The following PLCL1 variants were observed in gnomAD, a reference collection of about 807,000 sequenced individuals.
PLCL1 encodes inactive phospholipase C-like protein 1.
Under a neutral mutation model 84.4 loss-of-function variants are expected in PLCL1, and 41 were observed. The observed-to-expected ratio is 0.49, with a 90% CI of 0.38 to 0.63. PLCL1 has a LOEUF of 0.63. Ranked by LOEUF, PLCL1 falls within the 30% of genes least tolerant of loss-of-function variation. PLCL1 has a pLI of 0.00. For synonymous variants in PLCL1, 490 were observed against 488.3 expected, an observed-to-expected ratio of 1.00 and a Z score of -0.05; for missense variants, 1,206 against 1,367.8, an observed-to-expected ratio of 0.88 and a Z score of 1.87.
Position 198,083,814 on chromosome 2 carries a change from G to T in PLCL1, c.297G>T (p.Met99Ile). The change falls in exon 2 of 6, where the codon ATG becomes ATT. Residue 99 changes from methionine (M) to isoleucine (I), a missense_variant. By Grantham distance (10) the Met-to-Ile change is conservative. Transcript: ENST00000428675. The stretch of plus-strand genomic sequence containing the variant: ...AGAAAACCGTGTCTTTCAGCAGCAT[G>T]CCATCGGAAAAGAAAATTAGCAGTG... Reference protein sequence around the residue: ...GRKKTVSFSSMPSEKKISSAN... With the variant: ...GRKKTVSFSSIPSEKKISSAN... The T allele has an allele frequency of 6.2e-7, 1 of 1,609,188 alleles. No individual in the cohort carries two copies. Among genetic ancestry groups the T allele is most frequent in the Non-Finnish European group, 8.5e-7 (1 of 1,176,914 alleles).
In PLCL1 at chr2:198,102,994, G is replaced by C. The variant is rs1693381529; in HGVS notation, c.2996-833G>C. Among the ~76,000 whole-genome samples, 3 of 152,132 alleles carry C rather than the reference G, an allele frequency of 2.0e-5. 1 individual carries two copies. The South Asian group carries it at 6.2e-4, about 32-fold the overall frequency. On this transcript the variant is annotated intron_variant, in intron 4 of 5. Coordinates refer to ENST00000428675, the MANE Select transcript of PLCL1 (RefSeq NM_006226.4). Reference sequence around the variant, plus strand: ...ATGGTTGAGCTAAAAATACTTTAAGGTCATTCCCAAATCTGAAATACTTGG... The same window carrying C: ...ATGGTTGAGCTAAAAATACTTTAAGCTCATTCCCAAATCTGAAATACTTGG...
At chr2:197,993,844 C>T (rs901424871) in intron 1 of PLCL1, among the ~76,000 whole-genome samples, 4 of 152,178 alleles carry the variant, frequency 2.6e-5, no homozygotes, top group African/African-American at 9.7e-5. Context: ...GGGCATAGAG[C>T]AGGATAGTAA....
chr2:197,894,626 C>A (rs1688098878), intron 1 of PLCL1, among the ~76,000 whole-genome samples: 1 of 151,894 alleles, frequency 6.6e-6, no homozygotes, highest in South Asian at 2.1e-4. Flanking sequence ...TAAACTGTGG[C>A]CGCTTGTCTT....
chr2:198,065,557 A>T (rs189946652), intron 1 of PLCL1, among the ~76,000 whole-genome samples: 2 of 152,316 alleles, frequency 1.3e-5, no homozygotes, highest in Admixed American at 6.5e-5. Flanking sequence ...TGTCATTCAT[A>T]AAACGGTTGT....
At chr2:197,919,642 C>G (rs1303371044) in intron 1 of PLCL1, among the ~76,000 whole-genome samples, 1 of 152,136 alleles carries the variant, frequency 6.6e-6, no homozygotes, top group Non-Finnish European at 1.5e-5. Flanking sequence ...TTGTAATCAC[C>G]AATGATACAA....
intron 1 of PLCL1, among the ~76,000 whole-genome samples, chr2:198,007,945 A>G (rs922706364): frequency 6.6e-6 from 1 of 152,116 alleles, no homozygotes; most frequent in African/African-American, 2.4e-5. Context: ...AGCGAGTACT[A>G]ATAATTATTT....
chr2:198,063,481 G>A (rs1692253711), intron 1 of PLCL1, among the ~76,000 whole-genome samples: 1 of 152,084 alleles, frequency 6.6e-6, no homozygotes, highest in Non-Finnish European at 1.5e-5. Flanking sequence ...AGAAGAGAAA[G>A]GTCACTTGGC....
At chr2:197,822,964 G>T (rs1690848656) in intron 1 of PLCL1, among the ~76,000 whole-genome samples, 1 of 152,142 alleles carries the variant, frequency 6.6e-6, no homozygotes, top group Admixed American at 6.5e-5. Flanking sequence ...TGATATGGCA[G>T]CTGGATTCAA....
intron 5 of PLCL1, among the ~76,000 whole-genome samples, chr2:198,146,248 C>T (rs1694513417): frequency 6.6e-6 from 1 of 152,122 alleles, no homozygotes; most frequent in Non-Finnish European, 1.5e-5. Context: ...AATTTAACAA[C>T]AGGCAGATTG....
intron 5 of PLCL1, among the ~76,000 whole-genome samples, chr2:198,143,952 CAGG>C (rs1694455362): frequency 6.6e-6 from 1 of 151,130 alleles, no homozygotes; most frequent in African/African-American, 2.4e-5. Flanking sequence ...CCAGGGTTAT[CAGG>C]AGATGATGTA....
At chr2:198,141,905 T>G (rs2105946350) in intron 5 of PLCL1, among the ~76,000 whole-genome samples, 1 of 152,320 alleles carries the variant, frequency 6.6e-6, no homozygotes, top group Admixed American at 6.5e-5. Context: ...TGTGAGGGTT[T>G]TCCTATTCCC....
At chr2:197,918,649 C>T (rs958439402) in intron 1 of PLCL1, among the ~76,000 whole-genome samples, 2 of 152,068 alleles carry the variant, frequency 1.3e-5, no homozygotes, top group Non-Finnish European at 2.9e-5. Context: ...TGGCCAGGCA[C>T]GGTGGCTCAT....
chr2:197,815,277 C>T (rs575085078), intron 1 of PLCL1, among the ~76,000 whole-genome samples: 1 of 152,248 alleles, frequency 6.6e-6, no homozygotes, highest in South Asian at 2.1e-4. Flanking sequence ...GCCAAATCTA[C>T]TCTGTGCCCT....
intron 1 of PLCL1, among the ~76,000 whole-genome samples, chr2:197,942,661 A>G (rs1017167730): frequency 2.6e-5 from 4 of 152,208 alleles, no homozygotes; most frequent in Non-Finnish European, 5.9e-5. Flanking sequence ...TCTTTCATGA[A>G]CATTTGATGA....
At chr2:197,814,398 T>C (rs1690648124) in intron 1 of PLCL1, among the ~76,000 whole-genome samples, 1 of 152,212 alleles carries the variant, frequency 6.6e-6, no homozygotes, top group Non-Finnish European at 1.5e-5. Context: ...CCATGAACTA[T>C]GCCCATATAA....
At chr2:197,935,285 A>G (rs1689028237) in intron 1 of PLCL1, among the ~76,000 whole-genome samples, 1 of 152,202 alleles carries the variant, frequency 6.6e-6, no homozygotes, top group Admixed American at 6.5e-5. Flanking sequence ...AAGGAATATA[A>G]TTAATTCTGC....
intron 5 of PLCL1, among the ~76,000 whole-genome samples, chr2:198,143,890 T>C (rs925018828): frequency 6.1e-5 from 5 of 81,314 alleles, no homozygotes; most frequent in African/African-American, 1.2e-4. Flanking sequence ...GTTAATAGTT[T>C]ACCTATTTTT....
chr2:197,922,926 A>G (rs867044123), intron 1 of PLCL1, among the ~76,000 whole-genome samples: 655 of 51,976 alleles, frequency 0.013, no homozygotes, highest in East Asian at 0.03. Context: ...CCTCCCTCCC[A>G]GATGGGGCGG....
At chr2:198,021,942 T>G (rs938574455) in intron 1 of PLCL1, among the ~76,000 whole-genome samples, 5 of 152,042 alleles carry the variant, frequency 3.3e-5, no homozygotes, top group African/African-American at 1.2e-4. Context: ...AAAAGAAAAC[T>G]TCAGGCCAAT....
Sources: gnomAD v4.1 joint callset for allele counts (sites outside exome capture counted in the v4.1 genomes callset) on GRCh38, gnomAD v4.1.1 for gene constraint, MANE v1.5 for transcripts, NCBI Gene and HGNC (gene_info 2026-07-23, HGNC 2026-07-21) for gene names.